Variants in UNC13B observed in about 807,000 individuals in gnomAD.
UNC13B encodes the protein protein unc-13 homolog B.
A neutral mutation model predicts 211.0 loss-of-function variants in UNC13B; 144 were observed. The observed-to-expected ratio is 0.68, with a 90% CI of 0.60 to 0.78. The LOEUF (loss-of-function observed/expected upper bound fraction) is 0.78, where lower values mean the gene tolerates loss of function less well. Among genes scored for constraint, UNC13B ranks in the 30% least tolerant of loss-of-function variants. The pLI is 0.00. For missense variants in UNC13B, 1,777 were observed against 2,002.0 expected (o/e 0.89, Z 2.14); for synonymous variants, 709 against 725.8 (o/e 0.98, Z 0.37).
chr9:35,219,096 A>G (rs1824426665), intron 1 of UNC13B, among the ~76,000 whole-genome samples: 2 of 152,216 alleles, frequency 1.3e-5, no homozygotes, highest in Admixed American at 1.3e-4. Flanking sequence ...GGTGAGAATC[A>G]AAATCTGGAG....
intron 1 of UNC13B, among the ~76,000 whole-genome samples, chr9:35,218,540 T>A (rs916807817): frequency 9.2e-5 from 14 of 151,604 alleles, no homozygotes; most frequent in African/African-American, 3.4e-4. Flanking sequence ...TCCATTTTTA[T>A]TTATTATTAT....
chr9:35,260,048 A>AAC (rs1827176045), intron 7 of UNC13B, among the ~76,000 whole-genome samples: 3 of 147,992 alleles, frequency 2.0e-5, no homozygotes, highest in Admixed American at 1.3e-4. Context: ...CAAAAAAAAA[A>AAC]AAAAAAAAAA....
chr9:35,243,208 TAGAC>T, intron 5 of UNC13B, 79 bp from the exon 6 acceptor site: 26 of 1,371,418 alleles, frequency 1.9e-5, no homozygotes, highest in South Asian at 1.9e-4. Context: ...CTTCAGTCAT[TAGAC>T]AGAGTAAAGT....
At position 35,386,288 on chromosome 9, in the gene UNC13B, C is replaced by A; in HGVS notation, c.11089C>A (p.Gln3697Lys). 6.2e-7 allele frequency: 1 copy of A among 1,614,086 alleles called. No individual in the cohort carries two copies. Among genetic ancestry groups the A allele is most frequent in the Non-Finnish European group, 8.5e-7 (1 of 1,179,972 alleles). Residue 3697 changes from glutamine to lysine, a missense_variant, in exon 24 of 40, where the codon CAG becomes AAG. By Grantham distance (53) the Gln-to-Lys change is moderately conservative. Coordinates refer to ENST00000635942, the MANE Select transcript of UNC13B (RefSeq NM_001371189.2). ...CCACGACTTATACAGCCGCCAGTAC[C>A]AGCTGGTAAGAGGTTCAGGATCAGG... ...NCHDLYSRQY[Q>K]LKQELPPEEQ...
At chr9:35,398,419 G>A in intron 31 of UNC13B, 131 bp downstream of exon 31, 1 of 1,359,952 alleles carries the variant, frequency 7.4e-7, no homozygotes, top group Non-Finnish European at 1.0e-6. Flanking sequence ...CTTAATCTGA[G>A]GTAGGCATTC....
Position 35,321,867 on chromosome 9 carries a change from C to T in UNC13B, c.9414+7878C>T, listed in dbSNP as rs187034721. ...TAATTTATTTTCAGAAAAGCTTTTC[C>T]GGTTTGTACTTTCAGTATTTGAGTG... On this transcript the variant is annotated intron_variant, in intron 11 of 39. Coordinates refer to ENST00000635942, the MANE Select transcript of UNC13B (RefSeq NM_001371189.2). 1.9e-3 allele frequency among the ~76,000 whole-genome samples: 295 copies of T among 152,148 alleles called. 2 individuals carry two copies. Among genetic ancestry groups the T allele is most frequent in the Admixed American group, 4.8e-3 (74 of 15,292 alleles).
At chr9:35,184,323 G>T (rs1291689359) in intron 1 of UNC13B, among the ~76,000 whole-genome samples, 1 of 152,208 alleles carries the variant, frequency 6.6e-6, no homozygotes, top group African/African-American at 2.4e-5. Flanking sequence ...CCGGGCAGAG[G>T]CTGTAATCTT....
intron 11 of UNC13B, among the ~76,000 whole-genome samples, chr9:35,338,621 A>G (rs892934404): frequency 5.3e-5 from 8 of 152,204 alleles, no homozygotes; most frequent in Admixed American, 2.0e-4. Context: ...CTGTGTGACT[A>G]TATGTCAGCT....
chr9:35,312,828 G>A (rs1298292944), intron 10 of UNC13B, among the ~76,000 whole-genome samples: 1 of 152,172 alleles, frequency 6.6e-6, no homozygotes, highest in South Asian at 2.1e-4. Context: ...TGTCTCAAAG[G>A]TATTTTGTTA....
intron 1 of UNC13B, among the ~76,000 whole-genome samples, chr9:35,169,488 TCAGA>T (rs1821222161): frequency 6.6e-6 from 1 of 152,236 alleles, no homozygotes; most frequent in Non-Finnish European, 1.5e-5. Flanking sequence ...ATTAGAGTTT[TCAGA>T]CATAGGTATA....
intron 7 of UNC13B, among the ~76,000 whole-genome samples, chr9:35,275,266 T>C (rs1466972249): frequency 2.0e-5 from 3 of 152,222 alleles, no homozygotes; most frequent in Non-Finnish European, 4.4e-5. Context: ...CACCCTGTGG[T>C]GGCAAAAATC....
intron 1 of UNC13B, among the ~76,000 whole-genome samples, chr9:35,193,798 C>T (rs957067245): frequency 6.6e-6 from 1 of 151,978 alleles, no homozygotes; most frequent in African/African-American, 2.4e-5. Flanking sequence ...TTTACAGAAG[C>T]AGCATGAAGC....
chr9:35,171,146 G>A (rs542701590), intron 1 of UNC13B, among the ~76,000 whole-genome samples: 15 of 148,110 alleles, frequency 1.0e-4, no homozygotes, highest in East Asian at 4.1e-4. Flanking sequence ...CTTTTACCCC[G>A]GCTGGAATGC....
Position 35,307,347 on chromosome 9 carries a change from A to G in UNC13B, c.7943A>G (p.Asn2648Ser), listed in dbSNP as rs1829974636. ...TDTEASLEAENFALPAQLHPD... is the reference protein window; with the variant it reads ...TDTEASLEAESFALPAQLHPD... Reference sequence around the variant, plus strand: ...ACGGAGGCATCGTTAGAAGCAGAGAACTTTGCGCTGCCAGCACAGTTGCAT... The same window carrying G: ...ACGGAGGCATCGTTAGAAGCAGAGAGCTTTGCGCTGCCAGCACAGTTGCAT... Residue 2648 changes from asparagine (N) to serine (S), a missense_variant, in exon 9 of 40, where the codon AAC (asparagine) becomes AGC (serine). Physicochemically the swap from Asn to Ser is conservative, Grantham distance 46. Coordinates refer to ENST00000635942, the MANE Select transcript of UNC13B (RefSeq NM_001371189.2). 1 of 398,890 alleles carries G rather than the reference A, an allele frequency of 2.5e-6. No homozygotes were observed. Among genetic ancestry groups the G allele is most frequent in the Non-Finnish European group, 4.4e-6 (1 of 226,082 alleles). 24.7% of individuals were successfully genotyped at this position (398,890 alleles called of 1,614,324 possible). A position where few individuals can be genotyped will look rare whatever the true frequency, so the allele number is the denominator to read the frequency against.
chr9:35,180,433 GT>G (rs374511443), intron 1 of UNC13B, among the ~76,000 whole-genome samples: 88 of 151,976 alleles, frequency 5.8e-4, no homozygotes, highest in African/African-American at 2.1e-3. Flanking sequence ...TGCAAGTTTA[GT>G]TTTGCTTATT....
intron 1 of UNC13B, among the ~76,000 whole-genome samples, chr9:35,197,357 G>T (rs1823001815): frequency 6.6e-6 from 1 of 151,880 alleles, no homozygotes; most frequent in African/African-American, 2.4e-5. Flanking sequence ...ACAGGTGTGT[G>T]CCCCCACACC....
intron 1 of UNC13B, among the ~76,000 whole-genome samples, chr9:35,221,167 T>C (rs7874133): frequency 0.98 from 149,704 of 152,304 alleles, 73,623 homozygotes; most frequent in East Asian, 1. Context: ...CTCCCGATCT[T>C]AAGTGATCCT....
intron 3 of UNC13B, among the ~76,000 whole-genome samples, chr9:35,231,433 G>A (rs1192196464): frequency 3.3e-5 from 5 of 152,098 alleles, no homozygotes; most frequent in African/African-American, 7.2e-5. Flanking sequence ...TCATGGATTC[G>A]TAATTTGTTC....
At chr9:35,178,538 T>C (rs959228843) in intron 1 of UNC13B, among the ~76,000 whole-genome samples, 20 of 151,206 alleles carry the variant, frequency 1.3e-4, no homozygotes, top group African/African-American at 2.9e-4. Flanking sequence ...CACACACACA[T>C]ACAATTGATT....
Sources: allele counts gnomAD v4.1 joint callset (sites outside exome capture counted in the v4.1 genomes callset), GRCh38; gene constraint gnomAD v4.1.1; transcripts MANE v1.5; gene names NCBI Gene and HGNC (gene_info 2026-07-23, HGNC 2026-07-21).